Variants in UBE4B observed in about 807,000 individuals in gnomAD.
UBE4B encodes the protein ubiquitination factor E4B, also known as ubiquitin conjugation factor E4 B.
A neutral mutation model predicts 148.1 loss-of-function variants in UBE4B; 27 were observed. The observed-to-expected ratio is 0.18, with a 90% CI of 0.13 to 0.25. UBE4B has a LOEUF of 0.25. UBE4B is among the 10% of genes least tolerant of loss of function. The pLI is 1.00. For missense variants in UBE4B, 1,170 were observed against 1,662.4 expected, an observed-to-expected ratio of 0.70 and a Z score of 5.15; for synonymous variants, 596 against 619.3, an observed-to-expected ratio of 0.96 and a Z score of 0.56.
Position 10,180,315 on chromosome 1 carries a change from TC to T in UBE4B, c.*361del, listed in dbSNP as rs1646488239. ...TCATGAATTTTTTTTTAATCCAATATCCGTTGATTTGATTGTGATTAGAGAA... is the reference window on the plus strand; with the variant it reads ...TCATGAATTTTTTTTTAATCCAATATCGTTGATTTGATTGTGATTAGAGAA... On this transcript the variant is annotated 3_prime_UTR_variant, in exon 28 of 28. Coordinates refer to ENST00000343090, the MANE Select transcript of UBE4B (RefSeq NM_001105562.3). The T allele has an allele frequency of 4.8e-6, 1 of 207,522 alleles. No individual in the cohort carries two copies. The highest frequency in any genetic ancestry group is 2.3e-5 in the African/African-American group (1 of 43,260). 12.9% of individuals were successfully genotyped at this position (207,522 alleles called of 1,614,324 possible). A position where few individuals can be genotyped will look rare whatever the true frequency, so the allele number is the denominator to read the frequency against.
intron 21 of UBE4B, among the ~76,000 whole-genome samples, chr1:10,152,183 C>T (rs922773099): frequency 6.6e-6 from 1 of 151,282 alleles, no homozygotes; most frequent in African/African-American, 2.4e-5. Context: ...TGCTTGAACC[C>T]GGGAGGCAGA....
intron 2 of UBE4B, chr1:10,072,908 C>T (rs559220836): frequency 1.9e-5 from 3 of 154,366 alleles, no homozygotes; most frequent in Non-Finnish European, 4.3e-5. Context: ...AAGAGAACTG[C>T]ATTGATCATA....
intron 17 of UBE4B, among the ~76,000 whole-genome samples, chr1:10,144,021 T>A (rs1255541065): frequency 1.3e-5 from 2 of 152,208 alleles, no homozygotes; most frequent in East Asian, 3.9e-4. Flanking sequence ...TTTTGGAGAT[T>A]TAGCAGCCTC....
chr1:10,113,327 T>A (rs571770042), intron 7 of UBE4B, among the ~76,000 whole-genome samples: 13 of 152,318 alleles, frequency 8.5e-5, no homozygotes, highest in African/African-American at 2.9e-4. Flanking sequence ...TCTGCCCCCA[T>A]GATCCAGTCA....
At chr1:10,043,012 T>C (rs1643828753) in intron 1 of UBE4B, among the ~76,000 whole-genome samples, 1 of 151,772 alleles carries the variant, frequency 6.6e-6, no homozygotes, top group South Asian at 2.1e-4. Context: ...TTCTTTTTTT[T>C]TTTTTTTAAT....
chr1:10,059,351 G>A lies in UBE4B; in HGVS notation c.25-12677G>A, dbSNP rs532873651. 5 of 180,448 alleles carry A rather than the reference G, an allele frequency of 2.8e-5. No individual in the cohort carries two copies. In the East Asian group the frequency reaches 6.2e-4, roughly 22 times the overall value. 11.2% of individuals were successfully genotyped at this position (180,448 alleles called of 1,614,324 possible). A position where few individuals can be genotyped will look rare whatever the true frequency, so the allele number is the denominator to read the frequency against. ...TACACTGTAGGGCACCTGCTCTTCTGTAAGAGTCTGAAGGACACTATTGTC... is the reference window on the plus strand; with the variant it reads ...TACACTGTAGGGCACCTGCTCTTCTATAAGAGTCTGAAGGACACTATTGTC... On this transcript the variant is annotated intron_variant, in intron 1 of 27. Transcript: ENST00000343090.
In UBE4B at chr1:10,158,388, T is replaced by C; in HGVS notation, c.2959T>C (p.Tyr987His). Residue 987 changes from tyrosine (Y) to histidine (H), a missense_variant, in exon 22 of 28, where the codon TAT (tyrosine) becomes CAT (histidine). Tyr to His is a moderately conservative substitution (Grantham distance 83). This residue lies in a region of UBE4B where 348 missense variants were observed against 627.2 expected (regional missense o/e 0.55). Transcript: ENST00000343090. Reference protein sequence around the residue: ...VEHTGATSEFYDKFTIRYHIS... With the variant: ...VEHTGATSEFHDKFTIRYHIS... The stretch of plus-strand genomic sequence containing the variant: ...GCATACCGGAGCCACCAGTGAGTTT[T>C]ATGACAAGTTCACAATTCGCTATCA... 6.2e-7 allele frequency: 1 copy of C among 1,614,226 alleles called. No homozygotes were observed. The highest frequency in any genetic ancestry group is 8.5e-7 in the Non-Finnish European group (1 of 1,180,044).
At chr1:10,091,395 T>C (rs758244356) in intron 2 of UBE4B, among the ~76,000 whole-genome samples, 5 of 152,196 alleles carry the variant, frequency 3.3e-5, no homozygotes, top group African/African-American at 7.2e-5. Context: ...TAATTCACAT[T>C]GATTTCTAAA....
At position 10,106,436 on chromosome 1, in the gene UBE4B, C is replaced by G; in HGVS notation, c.1049C>G (p.Ser350Cys). Reference protein sequence around the residue: ...ASSGVSILSSSPSPPALASSP... With the variant: ...ASSGVSILSSCPSPPALASSP... ...TCAGGCGTCTCCATTCTGTCGAGCT[C>G]CCCAAGTCCCCCTGCCCTCGCCAGT... Residue 350 changes from serine (S) to cysteine (C), a missense_variant, in exon 7 of 28, where the codon TCC becomes TGC. Ser to Cys is a moderately radical substitution (Grantham distance 112, BLOSUM62 -1). This residue lies in a region of UBE4B where 214 missense variants were observed against 209.1 expected (regional missense o/e 1.02). Coordinates refer to ENST00000343090, the MANE Select transcript of UBE4B (RefSeq NM_001105562.3). This position sits in a 1 kb window ranked among gnomAD's most constrained non-coding sequence, Gnocchi z 4.2. 6.2e-7 allele frequency: 1 copy of G among 1,613,860 alleles called. No homozygotes were observed. The highest frequency in any genetic ancestry group is 8.5e-7 in the Non-Finnish European group (1 of 1,179,910).
intron 2 of UBE4B, among the ~76,000 whole-genome samples, chr1:10,086,811 T>C (rs1644772782): frequency 6.6e-6 from 1 of 152,096 alleles, no homozygotes; most frequent in South Asian, 2.1e-4. Flanking sequence ...TGCCTCAGCC[T>C]CCCAAGTAGC....
chr1:10,178,643 G>T lies in UBE4B; in HGVS notation c.3526-1G>T. ...CTCACATTGCCATTCCTCCTTTGCA[G>T]AGATCCTACAGTAAGGAATTGTTTG... On this transcript the variant is annotated splice_acceptor_variant, in intron 25 of 27. Coordinates refer to ENST00000343090, the MANE Select transcript of UBE4B (RefSeq NM_001105562.3). LOFTEE classifies it high-confidence loss of function. The T allele has an allele frequency of 6.3e-7, 1 of 1,599,710 alleles. No individual in the cohort carries two copies. The highest frequency in any genetic ancestry group is 1.1e-5 in the South Asian group (1 of 89,176).
At chr1:10,122,219 G>A in intron 10 of UBE4B, 143 bp downstream of exon 10, 1 of 543,866 alleles carries the variant, frequency 1.8e-6, no homozygotes, top group South Asian at 2.6e-5. Flanking sequence ...TTCTTTTGAG[G>A]AAATCAGATT....
rs371067994 is a variant in UBE4B, at chr1:10,178,834, G to A, written c.3700+16G>A. On this transcript the variant is annotated intron_variant, in intron 26 of 27. Transcript: ENST00000343090. ...GAGTTCAGAGGCAAGTGGACTCGTC[G>A]TTTTCATGCTGATTTCTTTTGAGTT... 9.5e-5 allele frequency: 149 copies of A among 1,565,622 alleles called. 1 individual carries two copies. Among genetic ancestry groups the A allele is most frequent in the Admixed American group, 1.0e-4 (5 of 48,698 alleles).
At chr1:10,034,220 C>T (rs983959692) in intron 1 of UBE4B, among the ~76,000 whole-genome samples, 32 of 152,144 alleles carry the variant, frequency 2.1e-4, no homozygotes, top group Admixed American at 2.1e-3. Context: ...AAATATGTAT[C>T]TTCTCCACAG....
intron 10 of UBE4B, among the ~76,000 whole-genome samples, chr1:10,126,439 T>C (rs1204928080): frequency 6.6e-6 from 1 of 152,240 alleles, no homozygotes; most frequent in Admixed American, 6.5e-5. Flanking sequence ...GTTGCTGAGA[T>C]GTGCAGAATT....
intron 1 of UBE4B, among the ~76,000 whole-genome samples, chr1:10,036,003 C>T (rs1643514907): frequency 6.6e-6 from 1 of 151,864 alleles, no homozygotes; most frequent in Non-Finnish European, 1.5e-5. Flanking sequence ...CTCGGCCTTC[C>T]AAAGTGCTGG....
intron 26 of UBE4B, 145 bp downstream of exon 26, chr1:10,178,963 C>G: frequency 2.4e-6 from 2 of 825,432 alleles, no homozygotes; most frequent in Non-Finnish European, 3.5e-6. Context: ...TTACATTTGC[C>G]TATTTTTAGC....
chr1:10,129,036 A>G (rs1309198555), intron 11 of UBE4B: 2 of 183,444 alleles, frequency 1.1e-5, no homozygotes, highest in Non-Finnish European at 2.3e-5. Context: ...TCTTTTTGAC[A>G]TGGAAAGATA....
rs578225515 is a variant in UBE4B, at chr1:10,097,046, A to T, written c.347+1450A>T. 2.8e-3 allele frequency among the ~76,000 whole-genome samples: 424 copies of T among 149,270 alleles called. 1 individual carries two copies. Among genetic ancestry groups the T allele is most frequent in the Admixed American group, 4.4e-3 (65 of 14,936 alleles). On this transcript the variant is annotated intron_variant, in intron 3 of 27. Coordinates refer to ENST00000343090, the MANE Select transcript of UBE4B (RefSeq NM_001105562.3). ...AGAGTAAGACTCTGCATCAAAAAAA[A>T]AAAAAAAATAATAATAATAATAATA...
Sources: gnomAD v4.1 joint callset for allele counts (sites outside exome capture counted in the v4.1 genomes callset) on GRCh38, gnomAD v4.1.1 for gene constraint, gnomAD v4.1.1 regional missense constraint, Gnocchi (gnomAD v3.1) non-coding constraint, MANE v1.5 for transcripts, NCBI Gene and HGNC (gene_info 2026-07-23, HGNC 2026-07-21) for gene names.